PLCH2: variants seen among roughly 807,000 people sequenced by gnomAD.
PLCH2 encodes the protein 1-phosphatidylinositol 4,5-bisphosphate phosphodiesterase eta-2.
PLCH2 carries 98 observed loss-of-function variants against 134.7 expected under a neutral mutation model. The observed-to-expected ratio is 0.73, with a 90% CI of 0.62 to 0.86. PLCH2 has a LOEUF of 0.86. Ranked by LOEUF, PLCH2 falls within the 40% of genes least tolerant of loss-of-function variation. PLCH2 has a pLI of 0.00. For missense variants in PLCH2, 1,994 were observed against 1,986.6 expected (o/e 1.00, Z -0.07); for synonymous variants, 974 against 827.5 (o/e 1.18, Z -3.04).
chr1:2,468,870 AG>A (rs1641196069), intron 1 of PLCH2, among the ~76,000 whole-genome samples: 2 of 152,172 alleles, frequency 1.3e-5, no homozygotes, highest in Admixed American at 1.3e-4. Context: ...GCGCTTTCAC[AG>A]GGTGGCTGTG....
At chr1:2,425,339 C>A (rs150054801), upstream of PLCH2, among the ~76,000 whole-genome samples, 7 of 152,216 alleles carry the variant, frequency 4.6e-5, no homozygotes, top group East Asian at 3.9e-4. Context: ...ATACACCCCC[C>A]CACACACATT....
chr1:2,500,970 T>C (rs1198648194), intron 20 of PLCH2: 1 of 147,712 alleles, frequency 6.8e-6, no homozygotes, highest in South Asian at 2.2e-4. Flanking sequence ...CCTCAGGCTG[T>C]TGGTTCTGAG....
upstream of PLCH2, among the ~76,000 whole-genome samples, chr1:2,471,290 T>C (rs1641313180): frequency 6.6e-6 from 1 of 152,180 alleles, no homozygotes; most frequent in Non-Finnish European, 1.5e-5. Flanking sequence ...TGGGGCCCCC[T>C]TGGCCATAGC....
At chr1:2,502,867 A>G in intron 21 of PLCH2, 1 of 717,150 alleles carries the variant, frequency 1.4e-6, no homozygotes. Flanking sequence ...TGTTTGCTCA[A>G]AAGCTGGAGG....
intron 2 of PLCH2, among the ~76,000 whole-genome samples, chr1:2,430,840 A>G (rs1639034166): frequency 6.6e-6 from 1 of 152,106 alleles, no homozygotes; most frequent in Non-Finnish European, 1.5e-5. Flanking sequence ...CTGGCGTGCA[A>G]TTCAAGAGCT....
chr1:2,471,784 C>A (rs74504870), upstream of PLCH2, among the ~76,000 whole-genome samples: 969 of 152,266 alleles, frequency 6.4e-3, 15 homozygotes, highest in African/African-American at 0.022. Context: ...TCTGTGCACA[C>A]GGACCAGGAG....
At position 2,504,810 on chromosome 1, in the gene PLCH2, C is replaced by A. The variant is rs1012851304; in HGVS notation, c.3848C>A (p.Pro1283Gln). ...SRRLSHSLGL[P>Q]GGTRRVSGPG... Reference sequence around the variant, plus strand: ...AGACTGAGCCACAGCCTGGGCCTCCCGGGAGGGACACGGCGGGTGTCGGGG... The same window carrying A: ...AGACTGAGCCACAGCCTGGGCCTCCAGGGAGGGACACGGCGGGTGTCGGGG... The change falls in exon 22 of 22, where the codon CCG (proline) becomes CAG (glutamine). Residue 1283 changes from proline to glutamine, a missense_variant. Transcript: ENST00000378486. The A allele has an allele frequency of 6.2e-7, 1 of 1,611,316 alleles. No homozygotes were observed. Among genetic ancestry groups the A allele is most frequent in the South Asian group, 1.1e-5 (1 of 91,014 alleles).
rs1189455018 is a variant in PLCH2, at chr1:2,489,829, G to A, written c.1477G>A (p.Asp493Asn). 5.0e-6 allele frequency: 8 copies of A among 1,613,604 alleles called. No individual in the cohort carries two copies. In the Admixed American group the frequency reaches 8.3e-5, roughly 17 times the overall value. The change falls in exon 10 of 22, where the codon GAT becomes AAT. Residue 493 changes from aspartate to asparagine, a missense_variant. Physicochemically the swap from Asp to Asn is conservative, Grantham distance 23. Transcript: ENST00000378486. ...CGAGGTGTCTGATGAGGACAGTGCT[G>A]ATGAGATTGACGATGACTGCAAGCT... ...EGEVSDEDSA[D>N]EIDDDCKLLN...
At chr1:2,425,786 G>C (rs1638764367), upstream of PLCH2, among the ~76,000 whole-genome samples, 1 of 151,456 alleles carries the variant, frequency 6.6e-6, no homozygotes, top group African/African-American at 2.4e-5. Context: ...GCCTCCCAAA[G>C]TTCTGGGATG....
chr1:2,478,354 C>G (rs963642641), intron 1 of PLCH2, 122 bp from the exon 2 acceptor site: 1 of 1,231,102 alleles, frequency 8.1e-7, no homozygotes, highest in Non-Finnish European at 1.1e-6. Flanking sequence ...GAGGAGTGGC[C>G]GTGCCTCCGC....
At chr1:2,438,747 A>C (rs1376041331) in intron 2 of PLCH2, among the ~76,000 whole-genome samples, 1 of 152,190 alleles carries the variant, frequency 6.6e-6, no homozygotes, top group African/African-American at 2.4e-5. Context: ...GGATCATTCC[A>C]GCTGGGAGCA....
chr1:2,482,342 C>A (rs1366324326), intron 4 of PLCH2, among the ~76,000 whole-genome samples: 1 of 152,206 alleles, frequency 6.6e-6, no homozygotes, highest in African/African-American at 2.4e-5. Flanking sequence ...CCTGGGAGGG[C>A]CATCAGCCCA....
chr1:2,442,220 A>G (rs1163150764), intron 2 of PLCH2, among the ~76,000 whole-genome samples: 1 of 152,158 alleles, frequency 6.6e-6, no homozygotes, highest in Non-Finnish European at 1.5e-5. Context: ...AAAGAACCAT[A>G]GACACCAGCA....
chr1:2,451,260 C>A (rs531150669), intron 2 of PLCH2, among the ~76,000 whole-genome samples: 2 of 152,314 alleles, frequency 1.3e-5, no homozygotes, highest in South Asian at 2.1e-4. Flanking sequence ...GGTGGGCTTG[C>A]CTCGTGTCCC....
In PLCH2 at chr1:2,484,531, C is replaced by T; in HGVS notation, c.729C>T (p.Asp243=). 2.5e-6 allele frequency: 4 copies of T among 1,613,334 alleles called. No homozygotes were observed. In the African/African-American group the frequency reaches 4.0e-5, roughly 16 times the overall value. ...AFYKMMSTRR[D]LYLLMLTYSN... ...ACAAGATGATGTCCACCCGCCGGGACCTCTACCTGCTCATGCTGACCTACA... is the reference window on the plus strand; with the variant it reads ...ACAAGATGATGTCCACCCGCCGGGATCTCTACCTGCTCATGCTGACCTACA... The change falls in exon 5 of 22, where the codon GAC becomes GAT. Residue 243 remains aspartate (D), a synonymous_variant. Transcript: ENST00000378486.
Position 2,495,422 on chromosome 1 carries a change from C to T in PLCH2, c.1753-66C>T. ...CGGAGGATAGGCCCTCCCCAACCCCCCAGCCTTCGCCAAGGCCTGGCCTGG... is the reference window on the plus strand; with the variant it reads ...CGGAGGATAGGCCCTCCCCAACCCCTCAGCCTTCGCCAAGGCCTGGCCTGG... On this transcript the variant is annotated intron_variant, in intron 12 of 21. Coordinates refer to ENST00000378486, the MANE Select transcript of PLCH2 (RefSeq NM_014638.4). The T allele has an allele frequency of 4.3e-6, 6 of 1,402,710 alleles. No individual in the cohort carries two copies. The South Asian group carries it at 6.2e-5, about 15-fold the overall frequency. The allele number at this position is 1,402,710 out of a possible 1,614,324, so 86.9% of individuals were successfully genotyped here.
intron 2 of PLCH2, among the ~76,000 whole-genome samples, chr1:2,457,191 G>A (rs1355946622): frequency 6.6e-6 from 1 of 152,088 alleles, no homozygotes; most frequent in Non-Finnish European, 1.5e-5. Context: ...GCTGAGATGT[G>A]AACTGACCAG....
chr1:2,467,283 C>T (rs1295686420), upstream of PLCH2, among the ~76,000 whole-genome samples: 1 of 152,154 alleles, frequency 6.6e-6, no homozygotes, highest in Middle Eastern at 3.2e-3. Context: ...GGCCTCTCAG[C>T]GGAGCCAGCT....
rs749606522 is a variant in PLCH2 at position 2,489,375 on chromosome 1, G to C, written c.1404G>C (p.Val468=). The C allele has an allele frequency of 2.5e-6, 4 of 1,613,372 alleles. No individual in the cohort carries two copies. The Admixed American group carries it at 5.0e-5, about 20-fold the overall frequency. ...SPQMLKGKIL[V]KGKKLPANIS... is the part of the protein sequence containing the mutation. ...AGATGCTCAAGGGCAAGATCCTCGT[G>C]AAGGTGAGTGAGCCCCTGCCCTCCT... The change falls in exon 9 of 22, where the codon GTG becomes GTC. Residue 468 remains valine (V), a synonymous_variant. Transcript: ENST00000378486.
Sources: allele counts gnomAD v4.1 joint callset (sites outside exome capture counted in the v4.1 genomes callset), GRCh38; gene constraint gnomAD v4.1.1; transcripts MANE v1.5; gene names NCBI Gene and HGNC (gene_info 2026-07-23, HGNC 2026-07-21).